Variants in JMY observed in about 807,000 individuals in gnomAD.
JMY encodes the protein junction mediating and regulatory protein, p53 cofactor, also known as junction-mediating and -regulatory protein.
JMY carries 46 observed loss-of-function variants against 103.3 expected under a neutral mutation model. The ratio of observed to expected loss-of-function variants is 0.45; its 90% CI spans 0.35 to 0.57. JMY has a LOEUF of 0.57. Ranked by LOEUF, JMY falls within the 20% of genes least tolerant of loss-of-function variation. The pLI, the probability that JMY is intolerant of heterozygous loss-of-function variation, is 0.00. For synonymous variants in JMY, 526 were observed against 489.3 expected (o/e 1.07, Z -0.99); for missense variants, 1,238 against 1,255.2 (o/e 0.99, Z 0.21).
chr5:79,317,298 A>T (rs1189374416), intron 10 of JMY, among the ~76,000 whole-genome samples: 1 of 152,294 alleles, frequency 6.6e-6, no homozygotes, highest in Non-Finnish European at 1.5e-5. Context: ...TATAAAAATT[A>T]TCTACATATC....
At chr5:79,291,775 C>T (rs776817873) in intron 4 of JMY, among the ~76,000 whole-genome samples, 4 of 152,200 alleles carry the variant, frequency 2.6e-5, no homozygotes, top group Non-Finnish European at 5.9e-5. Flanking sequence ...CCGCTACAGT[C>T]ACTGTCTATC....
intron 7 of JMY, among the ~76,000 whole-genome samples, chr5:79,309,077 T>A (rs1746970948): frequency 6.6e-6 from 1 of 152,184 alleles, no homozygotes; most frequent in Non-Finnish European, 1.5e-5. Flanking sequence ...CTAGATTTTT[T>A]TTGTCAGTTT....
intron 2 of JMY, among the ~76,000 whole-genome samples, chr5:79,281,075 C>G (rs763531509): frequency 6.6e-6 from 1 of 151,524 alleles, no homozygotes; most frequent in Non-Finnish European, 1.5e-5. Context: ...GACAGAGTCT[C>G]GCTCTGTTGC....
At position 79,325,039 on chromosome 5, in the gene JMY, C is replaced by G. The variant is rs1561322140; in HGVS notation, c.*3437C>G. On this transcript the variant is annotated 3_prime_UTR_variant, in exon 11 of 11. Coordinates refer to ENST00000396137, the MANE Select transcript of JMY (RefSeq NM_152405.5). ...ATAGTAGACACTAAGAATTAAAACT[C>G]TTAAATCAGTGAAACAAAAACTAAT... 2 of 152,616 alleles carry G rather than the reference C, an allele frequency of 1.3e-5. No individual in the cohort carries two copies. Among genetic ancestry groups the G allele is most frequent in the African/African-American group, 2.4e-5 (1 of 41,452 alleles). The allele number at this position is 152,616 out of a possible 1,614,324, so 9.5% of individuals were successfully genotyped here. A position where few individuals can be genotyped will look rare whatever the true frequency, so the allele number is the denominator to read the frequency against.
intron 4 of JMY, among the ~76,000 whole-genome samples, chr5:79,296,608 A>G (rs1580361978): frequency 6.6e-6 from 1 of 152,210 alleles, no homozygotes; most frequent in East Asian, 1.9e-4. Flanking sequence ...CAGCCTCCTA[A>G]GTCACTAGGA....
intron 1 of JMY, among the ~76,000 whole-genome samples, chr5:79,252,149 G>A (rs925329602): frequency 1.3e-5 from 2 of 151,998 alleles, no homozygotes; most frequent in Non-Finnish European, 2.9e-5. Flanking sequence ...TATCCCATAG[G>A]TTTTGGTATG....
intron 4 of JMY, among the ~76,000 whole-genome samples, chr5:79,295,989 A>G (rs1580361636): frequency 6.6e-6 from 1 of 152,194 alleles, no homozygotes; most frequent in South Asian, 2.1e-4. Context: ...CTTTATGTGT[A>G]TTATCTTGTT....
intron 6 of JMY, among the ~76,000 whole-genome samples, chr5:79,302,878 G>T (rs1378573183): frequency 6.6e-6 from 1 of 152,204 alleles, no homozygotes; most frequent in Non-Finnish European, 1.5e-5. Flanking sequence ...GTGGGTGCCT[G>T]TGCAGGGTAA....
At chr5:79,284,201 A>G (rs2112091692) in intron 2 of JMY, 2 of 1,557,856 alleles carry the variant, frequency 1.3e-6, no homozygotes, top group South Asian at 2.2e-5. Context: ...TCTCGTCCCC[A>G]GTGGCTTTTC....
Position 79,284,159 on chromosome 5 carries a change from A to C in JMY, c.1207-5962A>C, listed in dbSNP as rs540206793. The C allele has an allele frequency of 1.7e-4, 270 of 1,565,036 alleles. 2 individuals carry two copies. The South Asian group carries it at 2.8e-3, about 16-fold the overall frequency. ...AAACAGATTCTTGGACTGGTGGTTC[A>C]AAACCATCAGCTCGTTCAACTTTAG... On this transcript the variant is annotated intron_variant, in intron 2 of 10. Transcript: ENST00000396137.
chr5:79,283,434 C>T (rs1194723844), intron 2 of JMY, among the ~76,000 whole-genome samples: 1 of 152,172 alleles, frequency 6.6e-6, no homozygotes, highest in Non-Finnish European at 1.5e-5. Flanking sequence ...AAGAAGAGAA[C>T]TTGGCATCCC....
chr5:79,284,769 G>C, intron 2 of JMY: 1 of 1,575,594 alleles, frequency 6.3e-7, no homozygotes, highest in Non-Finnish European at 8.6e-7. Context: ...CTTGGGTCCT[G>C]GTGATGAGCA....
chr5:79,296,685 C>G (rs1461343513), intron 4 of JMY, among the ~76,000 whole-genome samples: 2 of 152,196 alleles, frequency 1.3e-5, no homozygotes, highest in African/African-American at 4.8e-5. Context: ...TTCTTGTTGA[C>G]TGCATATTTT....
intron 1 of JMY, among the ~76,000 whole-genome samples, chr5:79,269,932 T>C (rs896639130): frequency 6.6e-6 from 1 of 151,972 alleles, no homozygotes; most frequent in Non-Finnish European, 1.5e-5. Flanking sequence ...TGTCCTACTA[T>C]GTTGCCCAGG....
intron 1 of JMY, among the ~76,000 whole-genome samples, chr5:79,263,126 CT>C (rs1183534274): frequency 6.6e-6 from 1 of 152,140 alleles, no homozygotes; most frequent in Admixed American, 6.5e-5. Flanking sequence ...TCCCCTCATT[CT>C]TTTAACACTT....
intron 7 of JMY, among the ~76,000 whole-genome samples, chr5:79,310,219 C>T (rs773882678): frequency 2.0e-5 from 3 of 151,926 alleles, no homozygotes; most frequent in Admixed American, 6.6e-5. Context: ...CATGCCACCA[C>T]ACCTGGCTAA....
chr5:79,276,007 A>G (rs1745926348), intron 1 of JMY, among the ~76,000 whole-genome samples: 1 of 152,258 alleles, frequency 6.6e-6, no homozygotes, highest in South Asian at 2.1e-4. Context: ...GAAAAGGAAT[A>G]GAAGAATTTT....
rs185590207 is a variant in JMY at position 79,291,432 on chromosome 5, A to G, written c.1527+133A>G. On this transcript the variant is annotated intron_variant, in intron 4 of 10. Transcript: ENST00000396137. ...TTCATGAGATGAAAACACTTAGAAT[A>G]GGTCCTGTGACTTAAGTTGTCATTA... 32 of 666,988 alleles carry G rather than the reference A, an allele frequency of 4.8e-5. No homozygotes were observed. In the East Asian group the frequency reaches 9.0e-4, roughly 19 times the overall value. 41.3% of individuals were successfully genotyped at this position (666,988 alleles called of 1,614,324 possible).
At chr5:79,287,926 T>C (rs1010698966) in intron 2 of JMY, among the ~76,000 whole-genome samples, 1 of 152,250 alleles carries the variant, frequency 6.6e-6, no homozygotes, top group Non-Finnish European at 1.5e-5. Flanking sequence ...ATTTAAGTTT[T>C]GACTTGTATC....
Sources: gnomAD v4.1 joint callset for allele counts (sites outside exome capture counted in the v4.1 genomes callset) on GRCh38, gnomAD v4.1.1 for gene constraint, MANE v1.5 for transcripts, NCBI Gene and HGNC (gene_info 2026-07-23, HGNC 2026-07-21) for gene names.